Variants in POU2F3 observed in about 807,000 individuals in gnomAD.
POU2F3 encodes the protein POU domain, class 2, transcription factor 3.
In POU2F3, 23 loss-of-function variants were observed where a neutral mutation model predicts 59.2. The observed-to-expected ratio is 0.39, with a 90% CI of 0.28 to 0.55. POU2F3 has a LOEUF of 0.55. Ranked by LOEUF, POU2F3 falls within the 20% of genes least tolerant of loss-of-function variation. The probability of loss-of-function intolerance (pLI) is 0.66; values close to 1 mark genes in which losing one functional copy is unlikely to be tolerated. For synonymous variants in POU2F3, 190 were observed against 214.6 expected (o/e 0.89, Z 1.00); for missense variants, 473 against 544.5 (o/e 0.87, Z 1.31).
intron 3 of POU2F3, among the ~76,000 whole-genome samples, chr11:120,292,644 GA>G (rs1175672711): frequency 6.6e-6 from 1 of 152,196 alleles, no homozygotes; most frequent in Non-Finnish European, 1.5e-5. Context: ...CCAAAAGAAC[GA>G]GCAGATGCTG....
intron 3 of POU2F3, among the ~76,000 whole-genome samples, chr11:120,271,605 C>T (rs1477792924): frequency 2.0e-5 from 3 of 152,218 alleles, no homozygotes; most frequent in Non-Finnish European, 4.4e-5. Context: ...AGGTGGCCAG[C>T]TTCACAGGCC....
intron 3 of POU2F3, among the ~76,000 whole-genome samples, chr11:120,294,662 T>A (rs966414320): frequency 1.3e-5 from 2 of 152,252 alleles, no homozygotes; most frequent in African/African-American, 4.8e-5. Flanking sequence ...CTTTATTTCT[T>A]AATTTCTTCA....
rs764471305 is a variant in POU2F3, at chr11:120,298,323, A to C, written c.191A>C (p.His64Pro). Reference sequence around the variant, plus strand: ...CAGACCCTCTCCCATCGGCCATGCCACCTGAGTCAAGGACCTGCCATGATG... The same window carrying C: ...CAGACCCTCTCCCATCGGCCATGCCCCCTGAGTCAAGGACCTGCCATGATG... ...LQQTLSHRPCHLSQGPAMMSG... is the reference protein window; with the variant it reads ...LQQTLSHRPCPLSQGPAMMSG... The change falls in exon 4 of 13, where the codon CAC (histidine) becomes CCC (proline). Residue 64 changes from histidine (H) to proline (P), a missense_variant. By Grantham distance (77) the His-to-Pro change is moderately conservative. Coordinates refer to ENST00000543440, the MANE Select transcript of POU2F3 (RefSeq NM_014352.4). The C allele has an allele frequency of 6.2e-7, 1 of 1,613,660 alleles. No homozygotes were observed. Among genetic ancestry groups the C allele is most frequent in the Non-Finnish European group, 8.5e-7 (1 of 1,179,890 alleles).
At chr11:120,296,407 T>C (rs553226349) in intron 3 of POU2F3, among the ~76,000 whole-genome samples, 2 of 152,380 alleles carry the variant, frequency 1.3e-5, no homozygotes, top group African/African-American at 4.8e-5. Flanking sequence ...TCATTTTATC[T>C]AACTTTTATT....
At chr11:120,297,196 A>G (rs1296704286) in intron 3 of POU2F3, among the ~76,000 whole-genome samples, 2 of 152,154 alleles carry the variant, frequency 1.3e-5, no homozygotes, top group African/African-American at 4.8e-5. Flanking sequence ...AGTCACATGG[A>G]CACCCTCCCA....
intron 3 of POU2F3, 109 bp downstream of exon 3, chr11:120,269,353 C>A: frequency 2.2e-6 from 2 of 924,780 alleles, no homozygotes; most frequent in Non-Finnish European, 3.4e-6. Flanking sequence ...GGTGTTTATT[C>A]ACAAACCCCA....
intron 10 of POU2F3, among the ~76,000 whole-genome samples, chr11:120,312,222 C>T (rs1016021685): frequency 1.3e-5 from 2 of 152,114 alleles, no homozygotes; most frequent in Non-Finnish European, 2.9e-5. Context: ...CTCCTGGGTT[C>T]AAGTAATTCT....
At chr11:120,298,933 C>T (rs1346827805) in intron 4 of POU2F3, among the ~76,000 whole-genome samples, 2 of 152,170 alleles carry the variant, frequency 1.3e-5, no homozygotes, top group African/African-American at 4.8e-5. Context: ...TGTCCCTTCA[C>T]CTGCCATTTA....
chr11:120,246,547 G>T lies in POU2F3; in HGVS notation c.97+30G>T, dbSNP rs144007864. 1,417 of 1,606,746 alleles carry T rather than the reference G, an allele frequency of 8.8e-4. 5 individuals carry two copies. The highest frequency in any genetic ancestry group is 2.6e-3 in the Middle Eastern group (16 of 6,048). On this transcript the variant is annotated intron_variant, in intron 2 of 12. Transcript: ENST00000543440. ...GGGTCTTCTCTTCTCGGGGATGGAGGGGGTGGGGGGAAGAGAGTTGTTGGG... is the reference window on the plus strand; with the variant it reads ...GGGTCTTCTCTTCTCGGGGATGGAGTGGGTGGGGGGAAGAGAGTTGTTGGG...
At chr11:120,304,159 C>G (rs1272127710) in intron 6 of POU2F3, 1 of 151,904 alleles carries the variant, frequency 6.6e-6, no homozygotes, top group South Asian at 2.1e-4. Context: ...CATGGTGAAG[C>G]CCTGTCTCTA....
At chr11:120,309,340 A>T in intron 9 of POU2F3, 85 bp from the exon 10 acceptor site, 1 of 1,366,038 alleles carries the variant, frequency 7.3e-7, no homozygotes, top group Non-Finnish European at 1.0e-6. Flanking sequence ...ATCCATGTAT[A>T]GTTGTATCCT....
At chr11:120,300,456 G>A (rs1941410) in intron 5 of POU2F3, among the ~76,000 whole-genome samples, 40,372 of 151,818 alleles carry the variant, frequency 0.27, 8,401 homozygotes, top group East Asian at 0.7. Context: ...ATCTCCATCA[G>A]CTAGGGTCAA....
chr11:120,300,739 G>C (rs927534888), intron 5 of POU2F3, among the ~76,000 whole-genome samples: 62 of 151,482 alleles, frequency 4.1e-4, no homozygotes, highest in African/African-American at 1.5e-3. Flanking sequence ...CCTCCAGCCT[G>C]GGCGACAGAG....
upstream of POU2F3, among the ~76,000 whole-genome samples, chr11:120,239,470 A>T (rs897911414): frequency 2.0e-5 from 3 of 152,106 alleles, no homozygotes; most frequent in African/African-American, 2.4e-5. Flanking sequence ...TTCCACATCC[A>T]TCATCTCGTA....
intron 9 of POU2F3, among the ~76,000 whole-genome samples, 168 bp from the exon 10 acceptor site, chr11:120,309,257 A>G (rs1327170497): frequency 6.6e-6 from 1 of 152,222 alleles, no homozygotes; most frequent in Non-Finnish European, 1.5e-5. Flanking sequence ...AGAAAGGTTA[A>G]GAAAGTTTTG....
At chr11:120,275,437 A>G (rs1255924759) in intron 3 of POU2F3, among the ~76,000 whole-genome samples, 1 of 152,102 alleles carries the variant, frequency 6.6e-6, no homozygotes, top group Non-Finnish European at 1.5e-5. Context: ...TTCAGAAGAA[A>G]ACTGGGAGGT....
intron 2 of POU2F3, among the ~76,000 whole-genome samples, chr11:120,266,630 T>G (rs944668617): frequency 2.6e-5 from 4 of 152,166 alleles, no homozygotes; most frequent in Non-Finnish European, 4.4e-5. Context: ...TCGGAAATGA[T>G]CTTTCCTCAG....
chr11:120,298,220 T>G, intron 3 of POU2F3, 45 bp from the exon 4 acceptor site: 1 of 1,574,558 alleles, frequency 6.4e-7, no homozygotes, highest in Non-Finnish European at 8.6e-7. Flanking sequence ...TCTGACTGCC[T>G]GACGGGATCC....
chr11:120,288,150 A>T (rs1012043913), intron 3 of POU2F3, among the ~76,000 whole-genome samples: 2 of 143,798 alleles, frequency 1.4e-5, no homozygotes, highest in East Asian at 4.5e-4. Context: ...AAAAAAAAAC[A>T]AGAAAAAAGG....
Sources: gnomAD v4.1 joint callset for allele counts (sites outside exome capture counted in the v4.1 genomes callset) on GRCh38, gnomAD v4.1.1 for gene constraint, MANE v1.5 for transcripts, NCBI Gene and HGNC (gene_info 2026-07-23, HGNC 2026-07-21) for gene names.